The following ENOX1 variants were observed in gnomAD, a reference collection of about 807,000 sequenced individuals.
ENOX1 encodes candidate growth-related and time keeping constitutive hydroquinone (NADH) oxidase.
A neutral mutation model predicts 82.5 loss-of-function variants in ENOX1; 42 were observed. That is an observed-to-expected ratio of 0.51 (90% CI 0.40 to 0.66). ENOX1 has a LOEUF of 0.66. Ranked by LOEUF, ENOX1 falls within the 30% of genes least tolerant of loss-of-function variation. The pLI is 0.00. For synonymous variants in ENOX1, 271 were observed against 282.2 expected, an observed-to-expected ratio of 0.96 and a Z score of 0.40; for missense variants, 608 against 811.6, an observed-to-expected ratio of 0.75 and a Z score of 3.05.
At chr13:43,705,903 G>A (rs969940263) in intron 1 of ENOX1, among the ~76,000 whole-genome samples, 1 of 151,896 alleles carries the variant, frequency 6.6e-6, no homozygotes, top group African/African-American at 2.4e-5. Flanking sequence ...TATTTAATGA[G>A]ACAGACTATA....
chr13:43,636,924 T>C (rs1267299873), intron 2 of ENOX1, among the ~76,000 whole-genome samples: 1 of 152,154 alleles, frequency 6.6e-6, no homozygotes, highest in Non-Finnish European at 1.5e-5. Flanking sequence ...AACAGGACCA[T>C]GAATGAAAGG....
rs774152238 is a variant in ENOX1 at position 43,298,495 on chromosome 13, TCTC to T, written c.1294_1296del (p.Glu432del). 6.2e-7 allele frequency: 1 copy of T among 1,613,758 alleles called. No homozygotes were observed. Among genetic ancestry groups the T allele is most frequent in the Admixed American group, 1.7e-5 (1 of 60,008 alleles). On this transcript the variant is annotated inframe_deletion, in exon 12 of 17. Coordinates refer to ENST00000690772, the MANE Select transcript of ENOX1 (RefSeq NM_001347969.2). Reference sequence around the variant, plus strand: ...TCCAGCTGCCAGCGGAGACTGTCATTCTCCTCTTTCAGAGCGTAGGCCTGGGCA... The same window carrying T: ...TCCAGCTGCCAGCGGAGACTGTCATTCTCTTTCAGAGCGTAGGCCTGGGCA...
intron 11 of ENOX1, among the ~76,000 whole-genome samples, chr13:43,298,864 A>G (rs1211110341): frequency 6.6e-6 from 1 of 152,120 alleles, no homozygotes; most frequent in Non-Finnish European, 1.5e-5. Context: ...CAACATTTAG[A>G]ATTCCAGGCA....
intron 1 of ENOX1, among the ~76,000 whole-genome samples, chr13:43,710,917 T>G (rs1262515116): frequency 6.6e-6 from 1 of 152,140 alleles, no homozygotes; most frequent in Non-Finnish European, 1.5e-5. Flanking sequence ...GTTGGTTTTT[T>G]AAATTATTAT....
chr13:43,764,399 T>G (rs1951153452), intron 1 of ENOX1, among the ~76,000 whole-genome samples: 2 of 152,214 alleles, frequency 1.3e-5, no homozygotes, highest in African/African-American at 4.8e-5. Flanking sequence ...ATGAGCCCAC[T>G]TGTAACAGCA....
chr13:43,257,342 A>G (rs1306042871), intron 14 of ENOX1, among the ~76,000 whole-genome samples: 1 of 152,232 alleles, frequency 6.6e-6, no homozygotes, highest in Non-Finnish European at 1.5e-5. Flanking sequence ...ATGATATCCA[A>G]TTGTCCTGAT....
chr13:43,657,599 T>C (rs1350537191), intron 2 of ENOX1, among the ~76,000 whole-genome samples: 7 of 152,216 alleles, frequency 4.6e-5, no homozygotes, highest in African/African-American at 1.4e-4. Flanking sequence ...AAGCAGTCCA[T>C]GTAGCTGCTG....
At chr13:43,226,753 C>CT (rs1481947993) in intron 15 of ENOX1, among the ~76,000 whole-genome samples, 1 of 152,116 alleles carries the variant, frequency 6.6e-6, no homozygotes, top group East Asian at 1.9e-4. Flanking sequence ...TAGTCGGAAG[C>CT]TTTTTTTCTC....
At chr13:43,269,266 T>C (rs2044551295) in intron 13 of ENOX1, among the ~76,000 whole-genome samples, 1 of 152,206 alleles carries the variant, frequency 6.6e-6, no homozygotes, top group Non-Finnish European at 1.5e-5. Flanking sequence ...TTGGGCAATC[T>C]AAACAAGTAC....
chr13:43,578,741 T>C (rs1338857372), intron 2 of ENOX1, among the ~76,000 whole-genome samples: 2 of 152,228 alleles, frequency 1.3e-5, no homozygotes, highest in South Asian at 2.1e-4. Flanking sequence ...CACTGCTTTG[T>C]CTGCAACCAC....
At chr13:43,218,884 TACTTCC>T (rs771078090) in intron 16 of ENOX1, among the ~76,000 whole-genome samples, 2 of 152,212 alleles carry the variant, frequency 1.3e-5, no homozygotes, top group Non-Finnish European at 2.9e-5. Flanking sequence ...ACTTTATAAA[TACTTCC>T]ACTTACTTCA....
intron 3 of ENOX1, among the ~76,000 whole-genome samples, chr13:43,449,674 GT>G (rs202189629): frequency 0.01 from 1,506 of 147,280 alleles, 19 homozygotes; most frequent in African/African-American, 0.035. Flanking sequence ...ACTTCTTATT[GT>G]TTTTTTTTTG....
At chr13:43,413,666 C>A (rs2153599917) in intron 3 of ENOX1, among the ~76,000 whole-genome samples, 1 of 144,428 alleles carries the variant, frequency 6.9e-6, no homozygotes, top group East Asian at 2.0e-4. Flanking sequence ...TTTGAATTTT[C>A]CTTAGAATTG....
At chr13:43,592,557 T>C (rs1164345657) in intron 2 of ENOX1, among the ~76,000 whole-genome samples, 4 of 152,220 alleles carry the variant, frequency 2.6e-5, no homozygotes, top group Non-Finnish European at 5.9e-5. Context: ...AGTTAATTCC[T>C]CAAAATTAGT....
At chr13:43,652,427 T>C (rs958453237) in intron 2 of ENOX1, among the ~76,000 whole-genome samples, 5 of 152,190 alleles carry the variant, frequency 3.3e-5, no homozygotes, top group African/African-American at 1.2e-4. Flanking sequence ...ATATTTACTG[T>C]CATGGTGGTG....
intron 1 of ENOX1, among the ~76,000 whole-genome samples, chr13:43,757,957 G>A (rs184834737): frequency 7.1e-4 from 108 of 152,164 alleles, no homozygotes; most frequent in African/African-American, 2.5e-3. Flanking sequence ...CAGATTGGCC[G>A]GGTGCGGTGG....
intron 16 of ENOX1, among the ~76,000 whole-genome samples, chr13:43,223,139 CTG>C (rs1242055464): frequency 6.6e-6 from 1 of 152,216 alleles, no homozygotes; most frequent in Non-Finnish European, 1.5e-5. Context: ...CATGATTTAG[CTG>C]TGTCTGTTCA....
intron 2 of ENOX1, among the ~76,000 whole-genome samples, chr13:43,616,098 A>ATAGATATC (rs2082404557): frequency 2.3e-5 from 1 of 43,800 alleles, no homozygotes; most frequent in Non-Finnish European, 8.2e-5. Flanking sequence ...ATATATATCT[A>ATAGATATC]TATAGATAGA....
intron 2 of ENOX1, among the ~76,000 whole-genome samples, chr13:43,571,019 T>C (rs1593875367): frequency 6.6e-6 from 1 of 152,298 alleles, no homozygotes; most frequent in East Asian, 1.9e-4. Flanking sequence ...TCACTTCTTC[T>C]TGGGAAGGAA....
Sources: gnomAD v4.1 joint callset for allele counts (sites outside exome capture counted in the v4.1 genomes callset) on GRCh38, gnomAD v4.1.1 for gene constraint, MANE v1.5 for transcripts, NCBI Gene and HGNC (gene_info 2026-07-23, HGNC 2026-07-21) for gene names.